TFIP11: variants seen among roughly 807,000 people sequenced by gnomAD.
TFIP11 encodes tuftelin-interacting protein 11.
TFIP11 carries 86 observed loss-of-function variants against 96.8 expected under a neutral mutation model. That is an observed-to-expected ratio of 0.89 (90% CI 0.75 to 1.06). TFIP11 has a LOEUF of 1.06. Ranked by LOEUF, TFIP11 falls within the 50% of genes least tolerant of loss-of-function variation. The pLI is 0.00. For synonymous variants in TFIP11, 405 were observed against 395.2 expected (o/e 1.02, Z -0.29); for missense variants, 881 against 1,076.7 (o/e 0.82, Z 2.54).
At chr22:26,500,462 C>A (rs1602211697) in intron 8 of TFIP11, among the ~76,000 whole-genome samples, 1 of 152,312 alleles carries the variant, frequency 6.6e-6, no homozygotes, top group African/African-American at 2.4e-5. Context: ...AGCCACTGCG[C>A]CCAGCCTTTT....
intron 4 of TFIP11, among the ~76,000 whole-genome samples, chr22:26,509,059 A>C (rs959128521): frequency 4.6e-5 from 7 of 152,172 alleles, no homozygotes; most frequent in Non-Finnish European, 8.8e-5. Flanking sequence ...CTACCTGTGC[A>C]GGGACCACTG....
At chr22:26,501,807 A>AAAAAAAG (rs376064407) in intron 8 of TFIP11, 93 bp downstream of exon 8, 2 of 539,402 alleles carry the variant, frequency 3.7e-6, no homozygotes, top group Non-Finnish European at 5.7e-6. Flanking sequence ...AAAAAAAAAA[A>AAAAAAAG]GCCTAGCTAA....
At position 26,499,551 on chromosome 22, in the gene TFIP11, A is replaced by T. The variant is rs75486435; in HGVS notation, c.882T>A (p.Asp294Glu). The change falls in exon 9 of 15, where the codon GAT (aspartate) becomes GAA (glutamate). Residue 294 changes from aspartate to glutamate, a missense_variant. Physicochemically the swap from Asp to Glu is conservative, Grantham distance 45. Coordinates refer to ENST00000407690, the MANE Select transcript of TFIP11 (RefSeq NM_012143.4). ...GCTGTTGGGACTGTAGCGGCAGCCC[A>T]TCATCGGGAACGTTGTGCTTGTGGC... is the stretch of plus-strand genomic sequence containing the variant. Reference protein sequence around the residue: ...QISHKHNVPDDGLPLQSQQLP... With the variant: ...QISHKHNVPDEGLPLQSQQLP... 1,524 of 1,614,196 alleles carry T rather than the reference A, an allele frequency of 9.4e-4. 27 individuals carry two copies. The East Asian group carries it at 0.029, about 31-fold the overall frequency.
intron 6 of TFIP11, among the ~76,000 whole-genome samples, 191 bp from the exon 7 acceptor site, chr22:26,503,984 T>C (rs574709273): frequency 6.4e-4 from 97 of 152,312 alleles, no homozygotes; most frequent in Non-Finnish European, 1.4e-3. Flanking sequence ...TGAGCATTTA[T>C]GCTACCACAG....
chr22:26,497,097 A>AGTCTC (rs1282106389), intron 10 of TFIP11, among the ~76,000 whole-genome samples: 1 of 152,186 alleles, frequency 6.6e-6, no homozygotes, highest in East Asian at 1.9e-4. Context: ...CTGAGGCCTC[A>AGTCTC]GTCTCCTAGG....
Position 26,494,217 on chromosome 22 carries a change from C to G in TFIP11, c.2080G>C (p.Val694Leu). Reference protein sequence around the residue: ...LGWKSMFSDQVLAHPSVKDKF... With the variant: ...LGWKSMFSDQLLAHPSVKDKF... ...TCCTTGACAGATGGATGTGCCAGCA[C>G]TTGGTCTGAGAACATCGACTTCCAA... The change falls in exon 14 of 15, where the codon GTG becomes CTG. Residue 694 changes from valine to leucine, a missense_variant. Transcript: ENST00000407690. 6.2e-7 allele frequency: 1 copy of G among 1,614,248 alleles called. No individual in the cohort carries two copies.
chr22:26,510,331 G>A (rs779996926), intron 3 of TFIP11, 50 bp from the exon 4 acceptor site: 1 of 1,549,302 alleles, frequency 6.5e-7, no homozygotes, highest in Non-Finnish European at 8.9e-7. Flanking sequence ...GGGGGCAGCA[G>A]TCGAAGGATT....
At chr22:26,498,752 C>G (rs1432965719) in intron 10 of TFIP11, 117 bp downstream of exon 10, 1 of 759,468 alleles carries the variant, frequency 1.3e-6, no homozygotes, top group African/African-American at 1.8e-5. Flanking sequence ...AAAGCACTGT[C>G]AGCATGAGCA....
Position 26,499,648 on chromosome 22 carries a change from G to A in TFIP11, c.802-17C>T. 1.3e-6 allele frequency: 2 copies of A among 1,593,216 alleles called. No individual in the cohort carries two copies. The highest frequency in any genetic ancestry group is 1.1e-5 in the South Asian group (1 of 88,390). On this transcript the variant is annotated splice_polypyrimidine_tract_variant and intron_variant, in intron 8 of 14. Transcript: ENST00000407690. ...GTCTATGACCTTGGAAAACATAGAG[G>A]GATGAAGGTTAACACCGCTGCAGCC...
In TFIP11 at chr22:26,495,630, A is replaced by C. The variant is rs200686036; in HGVS notation, c.1849+443T>G. Among the ~76,000 whole-genome samples, 3 of 27,338 alleles carry C rather than the reference A, an allele frequency of 1.1e-4. No homozygotes were observed. The South Asian group carries it at 7.6e-3, about 69-fold the overall frequency. The allele number at this position is 27,338 out of a possible 152,430, so 17.9% of individuals were successfully genotyped here. ...TATGTGTGTATATACATATATGTGT[A>C]TATACATGTGTATATATACATGTAT... On this transcript the variant is annotated intron_variant, in intron 12 of 14. Transcript: ENST00000407690.
At chr22:26,503,643 C>A in intron 7 of TFIP11, 23 bp downstream of exon 7, 1 of 1,612,800 alleles carries the variant, frequency 6.2e-7, no homozygotes, top group Non-Finnish European at 8.5e-7. Flanking sequence ...ACCATCCACC[C>A]ATGTCTCCTG....
chr22:26,497,648 C>T (rs552132946), intron 10 of TFIP11, among the ~76,000 whole-genome samples: 17 of 152,282 alleles, frequency 1.1e-4, no homozygotes, highest in Admixed American at 5.9e-4. Flanking sequence ...GAGGCCAAGG[C>T]AGGCGGATCA....
Position 26,510,212 on chromosome 22 carries a change from G to C in TFIP11, c.61C>G (p.Arg21Gly), listed in dbSNP as rs367925543. The C allele has an allele frequency of 1.4e-5, 22 of 1,613,972 alleles. No homozygotes were observed. Among genetic ancestry groups the C allele is most frequent in the Admixed American group, 8.3e-5 (5 of 59,984 alleles). ...EGRIDDDDDE[R>G]ENFEITDWDL... ...CAGTCAGTGATCTCAAAGTTCTCCC[G>C]CTCGTCATCATCATCATCAATGCGG... is the stretch of plus-strand genomic sequence containing the variant. Residue 21 changes from arginine to glycine, a missense_variant, in exon 4 of 15, where the codon CGG becomes GGG. Transcript: ENST00000407690.
intron 11 of TFIP11, 28 bp downstream of exon 11, chr22:26,496,693 C>T (rs147570023): frequency 1.8e-5 from 29 of 1,609,318 alleles, no homozygotes; most frequent in Middle Eastern, 1.7e-4. Context: ...TTAGTGATGA[C>T]GACTGTTTCC....
rs753047577 is a variant in TFIP11, at chr22:26,494,829, G to C, written c.1960C>G (p.Leu654Val). 6.2e-7 allele frequency: 1 copy of C among 1,614,082 alleles called. No homozygotes were observed. The highest frequency in any genetic ancestry group is 1.3e-5 in the African/African-American group (1 of 74,918). Residue 654 changes from leucine (L) to valine (V), a missense_variant, in exon 13 of 15, where the codon CTT becomes GTT. By Grantham distance (32) the Leu-to-Val change is conservative. Transcript: ENST00000407690. Reference sequence around the variant, plus strand: ...CACTTGGGGAAGAAGTGCTTTTCAAGAAGTCCCACCAGGCTAGAGACAGAG... The same window carrying C: ...CACTTGGGGAAGAAGTGCTTTTCAACAAGTCCCACCAGGCTAGAGACAGAG... ...MISVSSLVGL[L>V]EKHFFPKWLQ...
chr22:26,497,987 C>A (rs994513485), intron 10 of TFIP11, among the ~76,000 whole-genome samples: 1 of 124,528 alleles, frequency 8.0e-6, no homozygotes, highest in Non-Finnish European at 1.7e-5. Flanking sequence ...GCCCACCAAT[C>A]AACAAGTGGA....
chr22:26,497,658 A>T (rs1435465409), intron 10 of TFIP11, among the ~76,000 whole-genome samples: 1 of 152,220 alleles, frequency 6.6e-6, no homozygotes, highest in Admixed American at 6.5e-5. Flanking sequence ...CAGGCGGATC[A>T]CGAGGTCAAG....
In TFIP11 at chr22:26,510,149, G is replaced by A; in HGVS notation, c.124C>T (p.His42Tyr). ...GTGGCTTCTTCCTTGGTCTGCCAGT[G>A]GCGCTGTCGGTTGGGGTTGAACTCA... ...QNEFNPNRQR[H>Y]WQTKEEATYG... The change falls in exon 4 of 15, where the codon CAC (histidine) becomes TAC (tyrosine). Residue 42 changes from histidine to tyrosine, a missense_variant. Transcript: ENST00000407690. 1 of 1,614,156 alleles carries A rather than the reference G, an allele frequency of 6.2e-7. No individual in the cohort carries two copies. Among genetic ancestry groups the A allele is most frequent in the Non-Finnish European group, 8.5e-7 (1 of 1,180,036 alleles).
Position 26,491,370 on chromosome 22 carries a change from A to G in TFIP11, c.*643T>C. 9.7e-7 allele frequency: 1 copy of G among 1,028,882 alleles called. No individual in the cohort carries two copies. The highest frequency in any genetic ancestry group is 1.5e-6 in the Non-Finnish European group (1 of 688,172). The allele number at this position is 1,028,882 out of a possible 1,614,324, so 63.7% of individuals were successfully genotyped here. Reference sequence around the variant, plus strand: ...TATTTGTTATTTTTTTAAAAAGTAAAGTGGGGATGACAAGTAAAGTGGAAA... The same window carrying G: ...TATTTGTTATTTTTTTAAAAAGTAAGGTGGGGATGACAAGTAAAGTGGAAA... On this transcript the variant is annotated 3_prime_UTR_variant, in exon 15 of 15. Transcript: ENST00000407690.
Sources: gnomAD v4.1 joint callset for allele counts (sites outside exome capture counted in the v4.1 genomes callset) on GRCh38, gnomAD v4.1.1 for gene constraint, MANE v1.5 for transcripts, NCBI Gene and HGNC (gene_info 2026-07-23, HGNC 2026-07-21) for gene names.